Variants in CA8 observed in about 807,000 individuals in gnomAD.
The protein encoded by CA8 is carbonic anhydrase-related protein.
CA8 carries 22 observed loss-of-function variants against 41.4 expected under a neutral mutation model. The observed-to-expected ratio is 0.53, with a 90% CI of 0.38 to 0.76. CA8 has a LOEUF of 0.76. CA8 is among the 30% of genes least tolerant of loss of function. CA8 has a pLI of 0.00. For synonymous variants in CA8, 121 were observed against 130.6 expected, an observed-to-expected ratio of 0.93 and a Z score of 0.50; for missense variants, 270 against 352.8, an observed-to-expected ratio of 0.77 and a Z score of 1.88.
Position 60,224,600 on chromosome 8 carries a change from A to T in CA8, c.577-15T>A. ...TTGGACTTCCCCTGAAAAAGAAAAA[A>T]ATATTTACCCAATGTTAATGTAATA... is the stretch of plus-strand genomic sequence containing the variant. On this transcript the variant is annotated splice_polypyrimidine_tract_variant and intron_variant, in intron 5 of 8. Transcript: ENST00000317995. 7.0e-7 allele frequency: 1 copy of T among 1,438,654 alleles called. No individual in the cohort carries two copies. The highest frequency in any genetic ancestry group is 9.8e-7 in the Non-Finnish European group (1 of 1,022,432). The allele number at this position is 1,438,654 out of a possible 1,614,324, so 89.1% of individuals were successfully genotyped here. A position where few individuals can be genotyped will look rare whatever the true frequency, so the allele number is the denominator to read the frequency against.
intron 4 of CA8, among the ~76,000 whole-genome samples, chr8:60,229,456 C>T (rs753156579): frequency 1.3e-5 from 2 of 152,104 alleles, no homozygotes; most frequent in East Asian, 1.9e-4. Context: ...AAGGCTATCA[C>T]GCCCTCCTTC....
In CA8 at chr8:60,209,009, T is replaced by A; in HGVS notation, c.739-90A>T. Reference sequence around the variant, plus strand: ...ATAAATGACATGCATAAAATATGTATAAATTACAAGAATTATTGAAGAGAA... The same window carrying A: ...ATAAATGACATGCATAAAATATGTAAAAATTACAAGAATTATTGAAGAGAA... On this transcript the variant is annotated intron_variant, in intron 7 of 8. Coordinates refer to ENST00000317995, the MANE Select transcript of CA8 (RefSeq NM_004056.6). 4.5e-6 allele frequency: 6 copies of A among 1,319,550 alleles called. No individual in the cohort carries two copies. In the South Asian group the frequency reaches 7.5e-5, roughly 17 times the overall value. 81.7% of individuals were successfully genotyped at this position (1,319,550 alleles called of 1,614,324 possible). A position where few individuals can be genotyped will look rare whatever the true frequency, so the allele number is the denominator to read the frequency against.
chr8:60,198,519 C>T (rs10086417), intron 8 of CA8, among the ~76,000 whole-genome samples: 42,204 of 152,036 alleles, frequency 0.28, 6,096 homozygotes, highest in Middle Eastern at 0.41. Flanking sequence ...CAATTAGCAC[C>T]AAACTAATTA....
At chr8:60,243,307 T>C (rs1808106058) in intron 3 of CA8, among the ~76,000 whole-genome samples, 1 of 152,014 alleles carries the variant, frequency 6.6e-6, no homozygotes, top group African/African-American at 2.4e-5. Flanking sequence ...GGAGTAAACA[T>C]CTGCTCCTTT....
At chr8:60,233,826 A>G (rs776180479) in intron 3 of CA8, among the ~76,000 whole-genome samples, 75 of 152,162 alleles carry the variant, frequency 4.9e-4, no homozygotes, top group Non-Finnish European at 3.1e-4. Context: ...ATAAACCACA[A>G]AAGCATGGGT....
chr8:60,280,909 A>C, intron 1 of CA8, 139 bp downstream of exon 1: 1 of 693,652 alleles, frequency 1.4e-6, no homozygotes, highest in Non-Finnish European at 2.6e-6. Flanking sequence ...GGGAGTGGGA[A>C]AGTGGCAGAG....
At chr8:60,234,635 G>A (rs866055414) in intron 3 of CA8, among the ~76,000 whole-genome samples, 4 of 152,180 alleles carry the variant, frequency 2.6e-5, no homozygotes, top group Admixed American at 6.5e-5. Context: ...GATAACAGAA[G>A]GTTGCTATGA....
At chr8:60,273,499 G>A (rs886802522) in intron 2 of CA8, among the ~76,000 whole-genome samples, 5 of 152,202 alleles carry the variant, frequency 3.3e-5, no homozygotes, top group African/African-American at 1.2e-4. Context: ...CTCTCTTATG[G>A]GGAAAAAGAA....
At chr8:60,266,242 T>C (rs1803898193) in intron 2 of CA8, among the ~76,000 whole-genome samples, 193 bp from the exon 3 acceptor site, 4 of 152,248 alleles carry the variant, frequency 2.6e-5, no homozygotes, top group Admixed American at 1.3e-4. Context: ...AATTCTTGTA[T>C]TGGCCATTCA....
chr8:60,222,809 A>G (rs1807298187), intron 6 of CA8, 48 bp from the exon 7 acceptor site: 1 of 1,147,802 alleles, frequency 8.7e-7, no homozygotes, highest in South Asian at 1.2e-5. Flanking sequence ...TGAATTAATA[A>G]CAATCCTGAT....
chr8:60,232,241 T>C lies in CA8; in HGVS notation c.513+43A>G, dbSNP rs775347412. ...AAAATTTTACAAAATGATTTAGAAA[T>C]TAGCATCTCTAAACAATACGATAAT... On this transcript the variant is annotated intron_variant, in intron 4 of 8. Coordinates refer to ENST00000317995, the MANE Select transcript of CA8 (RefSeq NM_004056.6). The C allele has an allele frequency of 4.2e-6, 6 of 1,426,344 alleles. No homozygotes were observed. In the East Asian group the frequency reaches 1.4e-4, roughly 32 times the overall value. The allele number at this position is 1,426,344 out of a possible 1,614,324, so 88.4% of individuals were successfully genotyped here. A position where few individuals can be genotyped will look rare whatever the true frequency, so the allele number is the denominator to read the frequency against.
At chr8:60,230,158 C>G (rs903397604) in intron 4 of CA8, among the ~76,000 whole-genome samples, 4 of 152,202 alleles carry the variant, frequency 2.6e-5, no homozygotes, top group Non-Finnish European at 5.9e-5. Flanking sequence ...CAATGTCCTG[C>G]CTTTCTCCAC....
chr8:60,199,157 C>G (rs538484818), intron 8 of CA8, among the ~76,000 whole-genome samples: 1 of 152,182 alleles, frequency 6.6e-6, no homozygotes, highest in Admixed American at 6.5e-5. Context: ...AAAAATATTA[C>G]CAACAAAATA....
chr8:60,202,958 C>T (rs28549858), intron 8 of CA8, among the ~76,000 whole-genome samples: 11,424 of 152,074 alleles, frequency 0.075, 892 homozygotes, highest in African/African-American at 0.19. Context: ...GACTCTACTA[C>T]GTAGACATTT....
intron 7 of CA8, among the ~76,000 whole-genome samples, chr8:60,219,435 C>T (rs938459743): frequency 6.6e-6 from 1 of 152,200 alleles, no homozygotes; most frequent in African/African-American, 2.4e-5. Flanking sequence ...GGATTACAGG[C>T]ATGAGCCACC....
chr8:60,241,201 G>T (rs1808016575), intron 3 of CA8, among the ~76,000 whole-genome samples: 1 of 152,202 alleles, frequency 6.6e-6, no homozygotes, highest in Admixed American at 6.5e-5. Context: ...GGACGTTCAA[G>T]GTGTAGACAG....
chr8:60,211,264 ACTT>A (rs1269067930), intron 7 of CA8, among the ~76,000 whole-genome samples: 18 of 152,364 alleles, frequency 1.2e-4, no homozygotes, highest in African/African-American at 4.1e-4. Context: ...CTATTGCACA[ACTT>A]CTTTTGAAGT....
Position 60,186,016 on chromosome 8 carries a change from A to C in CA8, c.*4005T>G, listed in dbSNP as rs1805953559. ...ATATTTGACAATGACAACACAAAGG[A>C]GGTAAATAAGAACAAAGTAGTACTG... On this transcript the variant is annotated 3_prime_UTR_variant, in exon 9 of 9. Coordinates refer to ENST00000317995, the MANE Select transcript of CA8 (RefSeq NM_004056.6). Among the ~76,000 whole-genome samples the C allele has an allele frequency of 6.6e-6, 1 of 152,166 alleles. No homozygotes were observed.
At chr8:60,241,419 T>C (rs1006745409) in intron 3 of CA8, among the ~76,000 whole-genome samples, 11 of 152,206 alleles carry the variant, frequency 7.2e-5, no homozygotes, top group South Asian at 2.1e-4. Context: ...ATTTATAGTG[T>C]TCTTAGTAAA....
Sources: allele counts gnomAD v4.1 joint callset (sites outside exome capture counted in the v4.1 genomes callset), GRCh38; gene constraint gnomAD v4.1.1; transcripts MANE v1.5; gene names NCBI Gene and HGNC (gene_info 2026-07-23, HGNC 2026-07-21).